Variants in ZNRF3 observed in about 807,000 individuals in gnomAD.
The protein encoded by ZNRF3 is zinc and ring finger 3.
ZNRF3 carries 23 observed loss-of-function variants against 72.5 expected under a neutral mutation model. That is an observed-to-expected ratio of 0.32 (90% confidence interval 0.23 to 0.45). The LOEUF (loss-of-function observed/expected upper bound fraction) is 0.45. Among genes scored for constraint, ZNRF3 ranks in the 20% least tolerant of loss-of-function variants. The pLI, the probability that ZNRF3 is intolerant of heterozygous loss-of-function variation, is 1.00. For missense variants in ZNRF3, 1,169 were observed against 1,272.1 expected (o/e 0.92, Z 1.23); for synonymous variants, 610 against 545.3 (o/e 1.12, Z -1.65).
At chr22:28,972,702 GCTGCTCCATT>G (rs1199055826) in intron 1 of ZNRF3, among the ~76,000 whole-genome samples, 2 of 152,182 alleles carry the variant, frequency 1.3e-5, no homozygotes, top group Non-Finnish European at 2.9e-5. Flanking sequence ...TTCCAAAGTG[GCTGCTCCATT>G]CTGCGTTGCC....
intron 1 of ZNRF3, among the ~76,000 whole-genome samples, chr22:28,892,992 C>T (rs2033918473): frequency 6.6e-6 from 1 of 151,940 alleles, no homozygotes; most frequent in Non-Finnish European, 1.5e-5. Context: ...ACAGTGAAAC[C>T]CCGTCTCTAC....
At chr22:29,003,185 G>T (rs922375509) in intron 2 of ZNRF3, among the ~76,000 whole-genome samples, 2 of 152,062 alleles carry the variant, frequency 1.3e-5, no homozygotes. Context: ...GTTTTACTTG[G>T]GATGGAAATT....
intron 2 of ZNRF3, among the ~76,000 whole-genome samples, chr22:28,998,038 G>A (rs1471029500): frequency 6.8e-6 from 1 of 147,774 alleles, no homozygotes; most frequent in African/African-American, 2.5e-5. Flanking sequence ...GGTGGCTCAC[G>A]CCTGTAATCC....
intron 1 of ZNRF3, among the ~76,000 whole-genome samples, chr22:28,907,556 A>G (rs182046578): frequency 3.9e-5 from 6 of 152,102 alleles, no homozygotes; most frequent in Non-Finnish European, 8.8e-5. Context: ...GTCTGGTTCC[A>G]TGGGGATTTG....
At chr22:28,982,566 T>TAAAA (rs57062209) in intron 1 of ZNRF3, among the ~76,000 whole-genome samples, 2 of 137,632 alleles carry the variant, frequency 1.5e-5, no homozygotes, top group Non-Finnish European at 3.2e-5. Context: ...ACCCTGCCTT[T>TAAAA]AAAAAAAAAA....
chr22:29,034,180 G>C (rs934660582), intron 2 of ZNRF3, among the ~76,000 whole-genome samples: 4 of 152,216 alleles, frequency 2.6e-5, no homozygotes, highest in African/African-American at 9.6e-5. Context: ...AGCAGCAAGT[G>C]TGTTATGACA....
At chr22:29,009,150 G>A (rs2036307165) in intron 2 of ZNRF3, among the ~76,000 whole-genome samples, 1 of 152,150 alleles carries the variant, frequency 6.6e-6, no homozygotes, top group South Asian at 2.1e-4. Context: ...TTTCCTAAAA[G>A]TCTTTCTGGA....
intron 1 of ZNRF3, among the ~76,000 whole-genome samples, chr22:28,977,014 A>G (rs1355453970): frequency 1.3e-5 from 2 of 152,234 alleles, no homozygotes; most frequent in Non-Finnish European, 2.9e-5. Context: ...ACTCAAGAGA[A>G]AAGGTGGATT....
chr22:29,031,544 G>A, intron 2 of ZNRF3: 1 of 980,160 alleles, frequency 1.0e-6, no homozygotes, highest in Non-Finnish European at 1.2e-6. Flanking sequence ...TCAGAGAACA[G>A]CAGCTGACCA....
At chr22:28,896,355 G>A (rs181614693) in intron 1 of ZNRF3, among the ~76,000 whole-genome samples, 3,459 of 152,034 alleles carry the variant, frequency 0.023, 60 homozygotes, top group Non-Finnish European at 0.03. Flanking sequence ...GGATGGTCTC[G>A]ATCTCTTGAC....
chr22:29,051,562 C>T (rs2037207102), intron 8 of ZNRF3, among the ~76,000 whole-genome samples: 1 of 148,222 alleles, frequency 6.7e-6, no homozygotes, highest in African/African-American at 2.5e-5. Context: ...CAAGATCAAG[C>T]TACTGCACTC....
At chr22:29,037,574 A>G (rs1297493817) in intron 2 of ZNRF3, among the ~76,000 whole-genome samples, 2 of 152,152 alleles carry the variant, frequency 1.3e-5, no homozygotes, top group East Asian at 3.8e-4. Context: ...CAACCACAAT[A>G]GGGCCCTGTC....
chr22:29,003,463 G>C (rs1044876645), intron 2 of ZNRF3, among the ~76,000 whole-genome samples: 4 of 149,546 alleles, frequency 2.7e-5, no homozygotes, highest in Non-Finnish European at 5.9e-5. Flanking sequence ...GCAGTGAGCC[G>C]AGATCGCGCC....
intron 1 of ZNRF3, among the ~76,000 whole-genome samples, chr22:28,979,093 A>C (rs1479658607): frequency 2.6e-5 from 4 of 152,038 alleles, no homozygotes; most frequent in African/African-American, 9.7e-5. Flanking sequence ...CTGGGTAATG[A>C]GTCATATTTT....
chr22:28,989,266 C>G (rs1261857046), intron 2 of ZNRF3, among the ~76,000 whole-genome samples: 1 of 152,116 alleles, frequency 6.6e-6, no homozygotes, highest in African/African-American at 2.4e-5. Context: ...ATCATTAGCA[C>G]AGAAGCTTGG....
Position 29,049,666 on chromosome 22 carries a change from G to T in ZNRF3, c.1485G>T (p.Pro495=). ...QSPPSLAPRG[P]ARAFPPSGSG... is the part of the protein sequence containing the mutation. ...CACCTAGCCTCGCACCCCGGGGCCC[G>T]GCCCGTGCCTTTCCTCCGAGCGGCA... is the stretch of plus-strand genomic sequence containing the variant. The change falls in exon 8 of 9, where the codon CCG becomes CCT. Residue 495 remains proline (P), a synonymous_variant. Coordinates refer to ENST00000544604, the MANE Select transcript of ZNRF3 (RefSeq NM_001206998.2). This position sits in a 1 kb window ranked among gnomAD's most constrained non-coding sequence, Gnocchi z 5.2. 1 of 1,608,838 alleles carries T rather than the reference G, an allele frequency of 6.2e-7. No homozygotes were observed.
At chr22:28,888,385 A>G (rs1328131602) in intron 1 of ZNRF3, among the ~76,000 whole-genome samples, 7 of 152,210 alleles carry the variant, frequency 4.6e-5, no homozygotes, top group Admixed American at 4.6e-4. Flanking sequence ...TAATAGAACA[A>G]TTGTGTGCTG....
At chr22:28,992,363 G>A (rs1475365403) in intron 2 of ZNRF3, among the ~76,000 whole-genome samples, 2 of 152,012 alleles carry the variant, frequency 1.3e-5, no homozygotes, top group African/African-American at 4.8e-5. Context: ...CCATGACAGG[G>A]GTGCTGATGC....
At position 29,023,576 on chromosome 22, in the gene ZNRF3, C is replaced by CAGTT. The variant is rs2036574540; in HGVS notation, c.427-18918_427-18915dup. On this transcript the variant is annotated intron_variant, in intron 2 of 8. Coordinates refer to ENST00000544604, the MANE Select transcript of ZNRF3 (RefSeq NM_001206998.2). ...ACTCCCAGGCATGGAGAAGCAGGCT[C>CAGTT]AGTTCCCTACGGTGGGCTATATTAG... Among the ~76,000 whole-genome samples, 6 of 152,274 alleles carry CAGTT rather than the reference C, an allele frequency of 3.9e-5. No homozygotes were observed. The South Asian group carries it at 1.2e-3, about 32-fold the overall frequency.
Sources: allele counts gnomAD v4.1 joint callset (sites outside exome capture counted in the v4.1 genomes callset), GRCh38; gene constraint gnomAD v4.1.1; non-coding constraint Gnocchi (gnomAD v3.1); transcripts MANE v1.5; gene names NCBI Gene and HGNC (gene_info 2026-07-23, HGNC 2026-07-21).